ESRRG: variants seen among roughly 807,000 people sequenced by gnomAD.
The protein encoded by ESRRG is estrogen-related receptor gamma.
ESRRG carries 13 observed loss-of-function variants against 44.0 expected under a neutral mutation model. The ratio of observed to expected loss-of-function variants is 0.30; its 90% CI spans 0.19 to 0.47. The LOEUF (loss-of-function observed/expected upper bound fraction) is 0.47, where lower values mean the gene tolerates loss of function less well. Among genes scored for constraint, ESRRG ranks in the 20% least tolerant of loss-of-function variants. The pLI, the probability that ESRRG is intolerant of heterozygous loss-of-function variation, is 1.00. For missense variants in ESRRG, 395 were observed against 580.6 expected (o/e 0.68, Z 3.29); for synonymous variants, 215 against 214.6 (o/e 1.00, Z -0.02).
chr1:217,038,238 C>T (rs548856472), intron 1 of ESRRG, among the ~76,000 whole-genome samples: 4 of 152,212 alleles, frequency 2.6e-5, no homozygotes, highest in Admixed American at 6.5e-5. Flanking sequence ...AGAGGTTCTC[C>T]GTGAGGGCCC....
chr1:216,988,290 G>A (rs2075183858), intron 1 of ESRRG, among the ~76,000 whole-genome samples: 1 of 152,210 alleles, frequency 6.6e-6, no homozygotes, highest in Non-Finnish European at 1.5e-5. Context: ...ATTTGAGGGT[G>A]AGAAATTACT....
At chr1:216,818,878 TC>T in intron 2 of ESRRG, among the ~76,000 whole-genome samples, 1 of 152,248 alleles carries the variant, frequency 6.6e-6, no homozygotes, top group South Asian at 2.1e-4. Flanking sequence ...GATTTTCTGT[TC>T]CTGTGTTAGT....
intron 1 of ESRRG, among the ~76,000 whole-genome samples, chr1:217,022,359 A>G (rs1484209387): frequency 6.6e-6 from 1 of 152,228 alleles, no homozygotes; most frequent in Non-Finnish European, 1.5e-5. Context: ...CCAGACCCAC[A>G]TCAATTACCG....
At chr1:216,732,534 A>G (rs1389304859) in intron 2 of ESRRG, among the ~76,000 whole-genome samples, 5 of 151,718 alleles carry the variant, frequency 3.3e-5, no homozygotes, top group Admixed American at 2.6e-4. Flanking sequence ...CCACCACCAC[A>G]CCCGGCTAAT....
intron 1 of ESRRG, among the ~76,000 whole-genome samples, chr1:217,088,930 G>A (rs1024236757): frequency 7.2e-5 from 11 of 152,066 alleles, no homozygotes; most frequent in Non-Finnish European, 1.5e-4. Flanking sequence ...TGACCTCCGT[G>A]CAACTTCAGC....
At chr1:217,020,172 C>T (rs1218415744) in intron 1 of ESRRG, among the ~76,000 whole-genome samples, 1 of 152,124 alleles carries the variant, frequency 6.6e-6, no homozygotes, top group Non-Finnish European at 1.5e-5. Flanking sequence ...ATGAAATAAT[C>T]CCGGGGAAAA....
intron 2 of ESRRG, among the ~76,000 whole-genome samples, chr1:216,733,610 C>CA (rs1159304687): frequency 6.6e-6 from 1 of 151,816 alleles, no homozygotes; most frequent in African/African-American, 2.4e-5. Flanking sequence ...TAAACCATTG[C>CA]AAAAAAAGCG....
chr1:217,049,392 A>T (rs574742372), intron 1 of ESRRG, among the ~76,000 whole-genome samples: 1 of 152,316 alleles, frequency 6.6e-6, no homozygotes, highest in South Asian at 2.1e-4. Context: ...GCAAGAAATC[A>T]TTTGGTAATT....
intron 1 of ESRRG, among the ~76,000 whole-genome samples, chr1:217,052,377 A>C (rs1270598787): frequency 6.6e-6 from 1 of 152,246 alleles, no homozygotes; most frequent in African/African-American, 2.4e-5. Context: ...AGCCTGAAGC[A>C]GATGCTGGGG....
chr1:216,992,711 A>G (rs2075886932), intron 1 of ESRRG, among the ~76,000 whole-genome samples: 1 of 152,228 alleles, frequency 6.6e-6, no homozygotes, highest in Non-Finnish European at 1.5e-5. Context: ...TTTGAAGCAA[A>G]CCAAACTCCC....
At chr1:216,725,552 CAA>C (rs1197304294), upstream of ESRRG, among the ~76,000 whole-genome samples, 1 of 151,998 alleles carries the variant, frequency 6.6e-6, no homozygotes, top group East Asian at 1.9e-4. Context: ...AAAATACACT[CAA>C]AGAAATATGG....
intron 2 of ESRRG, among the ~76,000 whole-genome samples, chr1:216,873,397 A>T (rs1194379200): frequency 6.6e-6 from 1 of 151,766 alleles, no homozygotes; most frequent in Non-Finnish European, 1.5e-5. Flanking sequence ...TTTTTAGTAG[A>T]GATGGGGTTT....
At chr1:216,634,983 CTCCT>C (rs950880793) in intron 3 of ESRRG, among the ~76,000 whole-genome samples, 14 of 152,018 alleles carry the variant, frequency 9.2e-5, no homozygotes, top group African/African-American at 3.1e-4. Flanking sequence ...TCTCTCCTCC[CTCCT>C]TTTTTCTTTG....
At chr1:216,625,261 T>C (rs2062972669) in intron 3 of ESRRG, among the ~76,000 whole-genome samples, 1 of 152,102 alleles carries the variant, frequency 6.6e-6, no homozygotes. Context: ...CTCAAAACTG[T>C]TGTTATATTA....
At position 216,653,043 on chromosome 1, in the gene ESRRG, C is replaced by T. The variant is rs146002570; in HGVS notation, c.473-1954G>A. ...TGCCTGAAAAGTCAGTATGAAGTAA[C>T]ACTTTCATCACTTCCCTTATCAAGG... is the stretch of plus-strand genomic sequence containing the variant. On this transcript the variant is annotated intron_variant, in intron 2 of 6. Transcript: ENST00000408911. Among the ~76,000 whole-genome samples, 280 of 152,234 alleles carry T rather than the reference C, an allele frequency of 1.8e-3. 2 individuals are homozygous for T. Among genetic ancestry groups the T allele is most frequent in the African/African-American group, 6.6e-3 (273 of 41,536 alleles).
chr1:216,620,639 G>A (rs916259216), intron 3 of ESRRG, among the ~76,000 whole-genome samples: 1 of 152,108 alleles, frequency 6.6e-6, no homozygotes, highest in Non-Finnish European at 1.5e-5. Context: ...ACATTGCATT[G>A]TGGTAACAAA....
At chr1:217,099,740 C>T (rs1021095912) in intron 1 of ESRRG, among the ~76,000 whole-genome samples, 6 of 152,176 alleles carry the variant, frequency 3.9e-5, no homozygotes, top group Non-Finnish European at 7.3e-5. Flanking sequence ...GGATCCTCCC[C>T]ACAATTGTAC....
chr1:216,577,713 T>C lies in ESRRG; in HGVS notation c.590-9615A>G, dbSNP rs572136830. On this transcript the variant is annotated intron_variant, in intron 3 of 6. Transcript: ENST00000408911. Reference sequence around the variant, plus strand: ...TTGGTTCATTTGATGGAAATGAATATAGTGGAATATAGTAGAGTCTAATGA... The same window carrying C: ...TTGGTTCATTTGATGGAAATGAATACAGTGGAATATAGTAGAGTCTAATGA... Among the ~76,000 whole-genome samples the C allele has an allele frequency of 2.6e-5, 4 of 152,094 alleles. No homozygotes were observed. The South Asian group carries it at 8.3e-4, about 32-fold the overall frequency.
chr1:216,901,512 T>A (rs954689001), intron 2 of ESRRG, among the ~76,000 whole-genome samples: 3 of 151,834 alleles, frequency 2.0e-5, no homozygotes, highest in Admixed American at 1.3e-4. Context: ...GGACTACCAG[T>A]GTGTGCCACC....
Sources: allele counts gnomAD v4.1 joint callset (sites outside exome capture counted in the v4.1 genomes callset), GRCh38; gene constraint gnomAD v4.1.1; transcripts MANE v1.5; gene names NCBI Gene and HGNC (gene_info 2026-07-23, HGNC 2026-07-21).